Variants in LARP6 observed in about 807,000 individuals in gnomAD.
LARP6 encodes la-related protein 6.
A neutral mutation model predicts 32.8 loss-of-function variants in LARP6; 18 were observed. The observed-to-expected ratio is 0.55, with a 90% confidence interval of 0.38 to 0.81. LARP6 has a LOEUF of 0.81. Ranked by LOEUF, LARP6 falls within the 40% of genes least tolerant of loss-of-function variation. The pLI is 0.00. For missense variants in LARP6, 598 were observed against 663.1 expected, an observed-to-expected ratio of 0.90 and a Z score of 1.08; for synonymous variants, 289 against 267.2, an observed-to-expected ratio of 1.08 and a Z score of -0.80.
chr15:70,845,549 T>C (rs1421495355), intron 1 of LARP6, among the ~76,000 whole-genome samples: 1 of 152,150 alleles, frequency 6.6e-6, no homozygotes, highest in East Asian at 1.9e-4. Flanking sequence ...CTTGATCACC[T>C]ATCTGAGGTA....
At chr15:70,841,826 G>A (rs2032264626) in intron 1 of LARP6, among the ~76,000 whole-genome samples, 1 of 152,128 alleles carries the variant, frequency 6.6e-6, no homozygotes, top group African/African-American at 2.4e-5. Context: ...ACAGCCTGCA[G>A]AGCCAAGAGC....
chr15:70,852,930 C>G (rs2032513851), intron 1 of LARP6, among the ~76,000 whole-genome samples: 1 of 152,188 alleles, frequency 6.6e-6, no homozygotes, highest in African/African-American at 2.4e-5. Context: ...CAGGACAATC[C>G]TGCAGAACCT....
chr15:70,841,063 G>A (rs562599295), intron 1 of LARP6, among the ~76,000 whole-genome samples: 4 of 152,064 alleles, frequency 2.6e-5, no homozygotes, highest in South Asian at 2.1e-4. Flanking sequence ...ACAGGCGCCC[G>A]CCACCGCGCC....
rs897832550 is a variant in LARP6 at position 70,832,124 on chromosome 15, C to T, written c.1404G>A (p.Val468=). 17 of 1,598,038 alleles carry T rather than the reference C, an allele frequency of 1.1e-5. No homozygotes were observed. The East Asian group carries it at 3.6e-4, about 34-fold the overall frequency. ...MQTADGLPVG[V]LRLPRGPDNT... Reference sequence around the variant, plus strand: ...TGTCAGGACCCCTGGGCAACCTCAGCACCCCTACGGGTAGCCCATCTGCAG... The same window carrying T: ...TGTCAGGACCCCTGGGCAACCTCAGTACCCCTACGGGTAGCCCATCTGCAG... The change falls in exon 3 of 3, where the codon GTG becomes GTA. Residue 468 remains valine (V), a synonymous_variant. Transcript: ENST00000299213.
At chr15:70,844,938 A>C (rs1443231147) in intron 1 of LARP6, among the ~76,000 whole-genome samples, 1 of 152,096 alleles carries the variant, frequency 6.6e-6, no homozygotes, top group African/African-American at 2.4e-5. Flanking sequence ...CTTCCATTTA[A>C]CTTTCATGCC....
In LARP6 at chr15:70,851,845, TGGA is replaced by T. The variant is rs1409683251; in HGVS notation, c.200+2041_200+2043del. 31 of 1,499,084 alleles carry T rather than the reference TGGA, an allele frequency of 2.1e-5. No homozygotes were observed. In the Admixed American group the frequency reaches 2.5e-4, roughly 12 times the overall value. 92.9% of individuals were successfully genotyped at this position (1,499,084 alleles called of 1,614,324 possible). ...GCTCTGGGGTGGGGATTGGGGGTGGTGGAGAAGAGGCAGCGAAGTTTTAAAGGC... is the reference window on the plus strand; with the variant it reads ...GCTCTGGGGTGGGGATTGGGGGTGGTGAAGAGGCAGCGAAGTTTTAAAGGC... On this transcript the variant is annotated intron_variant, in intron 1 of 2. Coordinates refer to ENST00000299213, the MANE Select transcript of LARP6 (RefSeq NM_018357.4).
intron 2 of LARP6, among the ~76,000 whole-genome samples, chr15:70,835,857 C>T (rs1298295158): frequency 6.6e-6 from 1 of 152,200 alleles, no homozygotes; most frequent in Non-Finnish European, 1.5e-5. Context: ...AGAGAAGGCT[C>T]ATTTCTGAGA....
At position 70,829,703 on chromosome 15, in the gene LARP6, T is replaced by C. The variant is rs969410784; in HGVS notation, c.*2349A>G. The stretch of plus-strand genomic sequence containing the variant: ...CTTGCTGAAGGTCACAGTTGCTTAG[T>C]AGAAAAGCCACGACTCGACCTCAGA... On this transcript the variant is annotated 3_prime_UTR_variant, in exon 3 of 3. Coordinates refer to ENST00000299213, the MANE Select transcript of LARP6 (RefSeq NM_018357.4). The C allele has an allele frequency of 4.6e-5, 7 of 151,768 alleles. No homozygotes were observed. Among genetic ancestry groups the C allele is most frequent in the African/African-American group, 1.7e-4 (7 of 41,404 alleles). 9.4% of individuals were successfully genotyped at this position (151,768 alleles called of 1,614,324 possible). A position where few individuals can be genotyped will look rare whatever the true frequency, so the allele number is the denominator to read the frequency against.
At chr15:70,842,458 C>A (rs1255290252) in intron 1 of LARP6, among the ~76,000 whole-genome samples, 1 of 152,084 alleles carries the variant, frequency 6.6e-6, no homozygotes, top group African/African-American at 2.4e-5. Flanking sequence ...TCAAATCTAC[C>A]CCCCAGCCTG....
Position 70,836,381 on chromosome 15 carries a change from G to A in LARP6, c.325C>T (p.Leu109=). 1.2e-6 allele frequency: 2 copies of A among 1,614,108 alleles called. No homozygotes were observed. The highest frequency in any genetic ancestry group is 1.7e-6 in the Non-Finnish European group (2 of 1,180,014). ...TTTAGCAAAAAGGCGTCCTTCTCCAGGTTTTCATCAGAAAAGTAGAATTCG... is the reference window on the plus strand; with the variant it reads ...TTTAGCAAAAAGGCGTCCTTCTCCAAGTTTTCATCAGAAAAGTAGAATTCG... The part of the protein sequence containing the change: ...QIEFYFSDEN[L]EKDAFLLKHV... Residue 109 remains leucine (L), a synonymous_variant, in exon 2 of 3, where the codon CTG becomes TTG. Coordinates refer to ENST00000299213, the MANE Select transcript of LARP6 (RefSeq NM_018357.4).
At chr15:70,850,931 G>A (rs1215124944) in intron 1 of LARP6, among the ~76,000 whole-genome samples, 2 of 152,090 alleles carry the variant, frequency 1.3e-5, no homozygotes, top group Non-Finnish European at 2.9e-5. Context: ...GAAAAAAAAT[G>A]GTGGAAATTT....
intron 1 of LARP6, chr15:70,852,198 T>C (rs533529969): frequency 6.4e-4 from 277 of 431,576 alleles, no homozygotes; most frequent in African/African-American, 5.3e-3. Flanking sequence ...CTGCTCTGGG[T>C]GCCTGCCCAC....
At chr15:70,838,676 G>T (rs571661713) in intron 1 of LARP6, among the ~76,000 whole-genome samples, 1 of 152,220 alleles carries the variant, frequency 6.6e-6, no homozygotes, top group South Asian at 2.1e-4. Flanking sequence ...TTCATAAGGG[G>T]ATTATAACAA....
chr15:70,851,795 A>G (rs1855519034), intron 1 of LARP6: 3 of 1,596,308 alleles, frequency 1.9e-6, no homozygotes, highest in Non-Finnish European at 8.6e-7. Flanking sequence ...TACTACAGCA[A>G]CAGAGAAGAA....
rs913249726 is a variant in LARP6 at position 70,849,053 on chromosome 15, T to A, written c.200+4836A>T. The A allele has an allele frequency of 3.9e-5, 6 of 152,162 alleles. No individual in the cohort carries two copies. In the East Asian group the frequency reaches 1.2e-3, roughly 30 times the overall value. 9.4% of individuals were successfully genotyped at this position (152,162 alleles called of 1,614,324 possible). A position where few individuals can be genotyped will look rare whatever the true frequency, so the allele number is the denominator to read the frequency against. On this transcript the variant is annotated intron_variant, in intron 1 of 2. Transcript: ENST00000299213. Reference sequence around the variant, plus strand: ...TTTGAATTGGAATTATTGATATAAGTGTTTTTTAAAAAACATATTTCTTGG... The same window carrying A: ...TTTGAATTGGAATTATTGATATAAGAGTTTTTTAAAAAACATATTTCTTGG...
At chr15:70,850,679 G>C (rs2032432288) in intron 1 of LARP6, among the ~76,000 whole-genome samples, 1 of 152,228 alleles carries the variant, frequency 6.6e-6, no homozygotes, top group Non-Finnish European at 1.5e-5. Context: ...GCATCACTAA[G>C]GGTGGGATGG....
intron 1 of LARP6, among the ~76,000 whole-genome samples, chr15:70,837,988 T>C (rs1285201609): frequency 6.6e-6 from 1 of 152,232 alleles, no homozygotes; most frequent in Non-Finnish European, 1.5e-5. Context: ...TTATGTTTCA[T>C]ATACACCTTA....
At chr15:70,833,194 C>T (rs1363135400) in intron 2 of LARP6, 78 bp from the exon 3 acceptor site, 3 of 1,154,430 alleles carry the variant, frequency 2.6e-6, no homozygotes, top group Non-Finnish European at 3.9e-6. Flanking sequence ...CTCCCTCCCT[C>T]ACTTCCTTAT....
chr15:70,829,836 T>C lies in LARP6; in HGVS notation c.*2216A>G, dbSNP rs931245825. The C allele has an allele frequency of 6.6e-6, 1 of 152,240 alleles. No homozygotes were observed. The highest frequency in any genetic ancestry group is 2.4e-5 in the African/African-American group (1 of 41,468). 9.4% of individuals were successfully genotyped at this position (152,240 alleles called of 1,614,324 possible). On this transcript the variant is annotated 3_prime_UTR_variant, in exon 3 of 3. Coordinates refer to ENST00000299213, the MANE Select transcript of LARP6 (RefSeq NM_018357.4). ...ACATGTAAAGGTGAGGGTGTAGGTATTTTTAAAAGTAACTATGATCCACGA... is the reference window on the plus strand; with the variant it reads ...ACATGTAAAGGTGAGGGTGTAGGTACTTTTAAAAGTAACTATGATCCACGA...
Sources: allele counts gnomAD v4.1 joint callset (sites outside exome capture counted in the v4.1 genomes callset), GRCh38; gene constraint gnomAD v4.1.1; transcripts MANE v1.5; gene names NCBI Gene and HGNC (gene_info 2026-07-23, HGNC 2026-07-21).